Variants in RNF213 observed in about 807,000 individuals in gnomAD.
RNF213 encodes the protein E3 ubiquitin-protein ligase RNF213.
In RNF213, 341 loss-of-function variants were observed where a neutral mutation model predicts 514.4. The ratio of observed to expected loss-of-function variants is 0.66; its 90% CI spans 0.61 to 0.73. The LOEUF is 0.73. Among genes scored for constraint, RNF213 ranks in the 30% least tolerant of loss-of-function variants. RNF213 has a pLI of 0.00. For synonymous variants in RNF213, 2,655 were observed against 2,658.2 expected, an observed-to-expected ratio of 1.00 and a Z score of 0.04; for missense variants, 5,767 against 6,615.6, an observed-to-expected ratio of 0.87 and a Z score of 4.45.
In RNF213 at chr17:80,375,823, G is replaced by T; in HGVS notation, c.13138G>T (p.Ala4380Ser). 6.2e-7 allele frequency: 1 copy of T among 1,614,168 alleles called. No individual in the cohort carries two copies. The highest frequency in any genetic ancestry group is 8.5e-7 in the Non-Finnish European group (1 of 1,180,022). Reference protein sequence around the residue: ...YFLLTLFREVAILYRSHNASL... With the variant: ...YFLLTLFREVSILYRSHNASL... ...CCTGTTAACACTGTTTAGAGAGGTGGCTATTTTGTACAGATCCCACAATGC... is the reference window on the plus strand; with the variant it reads ...CCTGTTAACACTGTTTAGAGAGGTGTCTATTTTGTACAGATCCCACAATGC... Residue 4380 changes from alanine (A) to serine (S), a missense_variant, in exon 51 of 68, where the codon GCT becomes TCT. This residue lies in a region of RNF213 where 1,245 missense variants were observed against 1,339.0 expected (regional missense o/e 0.93). Transcript: ENST00000582970.
At chr17:80,274,996 T>C (rs1397599983) in intron 3 of RNF213, among the ~76,000 whole-genome samples, 1 of 92,824 alleles carries the variant, frequency 1.1e-5, no homozygotes, top group Non-Finnish European at 2.1e-5. Context: ...TGTGTGTATG[T>C]GTTGGGGTAT....
intron 2 of RNF213, among the ~76,000 whole-genome samples, chr17:80,268,717 TTATC>T (rs372119103): frequency 6.6e-6 from 1 of 152,106 alleles, no homozygotes; most frequent in African/African-American, 2.4e-5. Context: ...TCCATCCATC[TTATC>T]TATCTATCCT....
intron 50 of RNF213, among the ~76,000 whole-genome samples, chr17:80,375,345 G>C (rs1356165683): frequency 6.6e-6 from 1 of 152,204 alleles, no homozygotes; most frequent in Non-Finnish European, 1.5e-5. Flanking sequence ...GGTGGGTTGA[G>C]GGCTGAGGCA....
chr17:80,379,753 T>G, intron 55 of RNF213, 39 bp downstream of exon 55: 1 of 1,564,396 alleles, frequency 6.4e-7, no homozygotes. Context: ...GTACTCAAAC[T>G]TTGGGGTGTT....
chr17:80,301,064 C>T (rs924142489), intron 11 of RNF213, among the ~76,000 whole-genome samples: 1 of 152,038 alleles, frequency 6.6e-6, no homozygotes, highest in African/African-American at 2.4e-5. Flanking sequence ...GCATATTTTG[C>T]AAAAATTTTC....
intron 23 of RNF213, 72 bp downstream of exon 23, chr17:80,336,450 TG>T (rs1568087916): frequency 7.5e-7 from 1 of 1,328,194 alleles, no homozygotes; most frequent in Non-Finnish European, 1.0e-6. Context: ...GGGCAGTGAC[TG>T]TGGAAATGGT....
chr17:80,299,894 C>G (rs2045110637), intron 11 of RNF213, among the ~76,000 whole-genome samples: 1 of 152,184 alleles, frequency 6.6e-6, no homozygotes, highest in Non-Finnish European at 1.5e-5. Flanking sequence ...GACATGATTT[C>G]ATTCTTTTTT....
At chr17:80,300,644 C>T (rs962887803) in intron 11 of RNF213, among the ~76,000 whole-genome samples, 1 of 152,118 alleles carries the variant, frequency 6.6e-6, no homozygotes, top group African/African-American at 2.4e-5. Flanking sequence ...ACCTCTGCCT[C>T]CCAGGTTCAA....
chr17:80,375,647 G>A, intron 50 of RNF213, 113 bp from the exon 51 acceptor site: 3 of 752,418 alleles, frequency 4.0e-6, no homozygotes, highest in Non-Finnish European at 2.4e-6. Context: ...AGGTTGCAGT[G>A]AGCCGAGATC....
chr17:80,379,577 G>A, intron 54 of RNF213, 43 bp from the exon 55 acceptor site: 1 of 1,549,968 alleles, frequency 6.5e-7, no homozygotes, highest in African/African-American at 1.4e-5. Flanking sequence ...GCATAAAATG[G>A]TACTGCTCCA....
chr17:80,349,955 C>G (rs555064482), intron 30 of RNF213, 49 bp downstream of exon 30: 1 of 1,610,496 alleles, frequency 6.2e-7, no homozygotes. Flanking sequence ...CAGCCGCAGC[C>G]GTGTGGCTTC....
At chr17:80,287,594 T>C (rs565192299) in intron 3 of RNF213, among the ~76,000 whole-genome samples, 6 of 152,102 alleles carry the variant, frequency 3.9e-5, no homozygotes, top group Admixed American at 3.9e-4. Flanking sequence ...CCGTGCCGAG[T>C]GTGGCGAGCG....
chr17:80,289,838 G>T lies in RNF213; in HGVS notation c.1112+1G>T. The T allele has an allele frequency of 6.2e-7, 1 of 1,607,420 alleles. No individual in the cohort carries two copies. Among genetic ancestry groups the T allele is most frequent in the Non-Finnish European group, 8.5e-7 (1 of 1,177,282 alleles). On this transcript the variant is annotated splice_donor_variant, in intron 6 of 67. Coordinates refer to ENST00000582970, the MANE Select transcript of RNF213 (RefSeq NM_001256071.3). LOFTEE classifies it high-confidence loss of function. ...CAGATGTCCAGGAAGTGAAGGCAAG[G>T]TAGGGATGCCCCCGCAGGGGAGCAA...
intron 2 of RNF213, among the ~76,000 whole-genome samples, chr17:80,266,673 T>C (rs1481208066): frequency 6.6e-6 from 1 of 151,910 alleles, no homozygotes; most frequent in East Asian, 2.0e-4. Flanking sequence ...AGCTATTTTT[T>C]ATATTTTTAG....
chr17:80,364,682 G>A (rs1599140723), intron 42 of RNF213, 129 bp downstream of exon 42: 2 of 1,131,430 alleles, frequency 1.8e-6, no homozygotes, highest in East Asian at 5.0e-5. Flanking sequence ...GACATGCAAA[G>A]GAAGGTGATT....
At chr17:80,393,139 C>T (rs1431181873) in intron 67 of RNF213, among the ~76,000 whole-genome samples, 1 of 151,866 alleles carries the variant, frequency 6.6e-6, no homozygotes, top group African/African-American at 2.4e-5. Flanking sequence ...CCACCACGTG[C>T]CCAGCTAATT....
Position 80,380,946 on chromosome 17 carries a change from A to G in RNF213, c.13756A>G (p.Thr4586Ala). The change falls in exon 56 of 68, where the codon ACT becomes GCT. Residue 4586 changes from threonine (T) to alanine (A), a missense_variant. By Grantham distance (58) the Thr-to-Ala change is moderately conservative. Around this residue, in one of 13 missense-constraint regions of RNF213, gnomAD observed 1,245 missense variants for 1,339.0 expected, o/e 0.93. Coordinates refer to ENST00000582970, the MANE Select transcript of RNF213 (RefSeq NM_001256071.3). ...GGTCTTCCTCCTTATCCGGCTACTC[A>G]CTCACTTGGCTCTGCTTCTGGGAGC... The part of the protein sequence containing the change: ...PVVFLLIRLL[T>A]HLALLLGASQ... 6.2e-7 allele frequency: 1 copy of G among 1,614,034 alleles called. No individual in the cohort carries two copies.
intron 3 of RNF213, among the ~76,000 whole-genome samples, chr17:80,281,066 TCA>T (rs2044239097): frequency 6.8e-6 from 1 of 147,820 alleles, no homozygotes; most frequent in African/African-American, 2.5e-5. Flanking sequence ...CTCACCCCAG[TCA>T]CACACACCCC....
chr17:80,283,449 TCCTGC>T (rs1383279205), intron 3 of RNF213, among the ~76,000 whole-genome samples: 17 of 152,268 alleles, frequency 1.1e-4, no homozygotes, highest in Non-Finnish European at 2.1e-4. Context: ...CAAGGGTCTC[TCCTGC>T]AGTTGCGTCT....
Sources: gnomAD v4.1 joint callset for allele counts (sites outside exome capture counted in the v4.1 genomes callset) on GRCh38, gnomAD v4.1.1 for gene constraint, gnomAD v4.1.1 regional missense constraint, MANE v1.5 for transcripts, NCBI Gene and HGNC (gene_info 2026-07-23, HGNC 2026-07-21) for gene names.